GHR: variants seen among roughly 807,000 people sequenced by gnomAD.
GHR encodes the protein growth hormone receptor.
A neutral mutation model predicts 67.1 loss-of-function variants in GHR; 35 were observed. The observed-to-expected ratio is 0.52, with a 90% CI of 0.40 to 0.69. GHR has a LOEUF of 0.69. GHR is among the 30% of genes least tolerant of loss of function. The pLI is 0.00. For missense variants in GHR, 792 were observed against 764.6 expected (o/e 1.04, Z -0.42); for synonymous variants, 272 against 269.1 (o/e 1.01, Z -0.10).
chr5:42,538,468 A>G (rs1748359236), intron 1 of GHR, among the ~76,000 whole-genome samples: 1 of 152,154 alleles, frequency 6.6e-6, no homozygotes, highest in South Asian at 2.1e-4. Context: ...TTTTGGACTA[A>G]TAATTGTTTT....
intron 2 of GHR, among the ~76,000 whole-genome samples, chr5:42,585,671 T>G (rs944477729): frequency 6.6e-6 from 1 of 152,196 alleles, no homozygotes; most frequent in African/African-American, 2.4e-5. Context: ...ATCTCCCAAA[T>G]TTTAACCCCC....
intron 1 of GHR, among the ~76,000 whole-genome samples, chr5:42,430,791 C>A (rs182937071): frequency 6.6e-6 from 1 of 152,214 alleles, no homozygotes; most frequent in East Asian, 1.9e-4. Flanking sequence ...CTACTCCCCA[C>A]CTCCCAGTCC....
At chr5:42,565,121 C>T (rs1749851746) in intron 1 of GHR, among the ~76,000 whole-genome samples, 1 of 152,146 alleles carries the variant, frequency 6.6e-6, no homozygotes, top group Admixed American at 6.5e-5. Flanking sequence ...GACTGAAGGG[C>T]TCCAGGTGTG....
intron 1 of GHR, among the ~76,000 whole-genome samples, chr5:42,445,898 C>T (rs759360589): frequency 5.1e-4 from 77 of 152,240 alleles, no homozygotes; most frequent in Non-Finnish European, 5.9e-4. Context: ...AGTAGCTGGA[C>T]AAGAGAGACT....
intron 1 of GHR, among the ~76,000 whole-genome samples, chr5:42,510,057 C>G (rs986565528): frequency 3.3e-5 from 5 of 152,182 alleles, no homozygotes; most frequent in South Asian, 2.1e-4. Flanking sequence ...CGATCACCCC[C>G]CTAACTGCCT....
intron 1 of GHR, among the ~76,000 whole-genome samples, chr5:42,517,170 A>G (rs900753912): frequency 6.6e-6 from 1 of 152,154 alleles, no homozygotes; most frequent in African/African-American, 2.4e-5. Context: ...TCTAAGAATG[A>G]CATTTACTGT....
intron 1 of GHR, among the ~76,000 whole-genome samples, chr5:42,527,305 C>A (rs1747745494): frequency 6.6e-6 from 1 of 152,094 alleles, no homozygotes. Flanking sequence ...AAGAAAGACC[C>A]AATGGTATCC....
At chr5:42,547,947 A>G (rs1021452153) in intron 1 of GHR, 1 of 269,886 alleles carries the variant, frequency 3.7e-6, no homozygotes, top group Non-Finnish European at 5.7e-6. Context: ...CTTTGTTCTT[A>G]TACTCCTTAG....
intron 1 of GHR, chr5:42,548,105 C>A: frequency 1.0e-6 from 1 of 985,376 alleles, no homozygotes; most frequent in South Asian, 4.7e-5. Context: ...CAGCCTAGGC[C>A]TGGCCTTCAG....
chr5:42,465,688 GC>G (rs1744696754), intron 1 of GHR: 1 of 851,378 alleles, frequency 1.2e-6, no homozygotes, highest in African/African-American at 1.7e-5. Context: ...CGTGCTTCAG[GC>G]CACTGTAATG....
chr5:42,619,855 G>T lies in GHR; in HGVS notation c.71-9183G>T, dbSNP rs1018774531. On this transcript the variant is annotated intron_variant, in intron 2 of 9. Transcript: ENST00000230882. ...TTTCTTAGGACACCTCTGACATGCT[G>T]AATTGCACCTGGTCTGAACAAGATC... 55 of 152,128 alleles carry T rather than the reference G, an allele frequency of 3.6e-4. 1 individual carries two copies. Among genetic ancestry groups the T allele is most frequent in the African/African-American group, 1.2e-3 (50 of 41,424 alleles). 9.4% of individuals were successfully genotyped at this position (152,128 alleles called of 1,614,324 possible).
intron 2 of GHR, among the ~76,000 whole-genome samples, chr5:42,595,256 T>C (rs188620530): frequency 1.3e-4 from 20 of 152,344 alleles, no homozygotes; most frequent in African/African-American, 4.8e-4. Flanking sequence ...TTAACAATGA[T>C]GTAGAACATA....
chr5:42,442,278 T>A (rs1438616847), intron 1 of GHR, among the ~76,000 whole-genome samples: 1 of 152,172 alleles, frequency 6.6e-6, no homozygotes, highest in East Asian at 1.9e-4. Context: ...AGTCACTGCT[T>A]GAAGGCTCAG....
At chr5:42,563,588 G>A (rs1244177746) in intron 1 of GHR, among the ~76,000 whole-genome samples, 2 of 133,486 alleles carry the variant, frequency 1.5e-5, no homozygotes, top group Admixed American at 8.5e-5. Flanking sequence ...ACTGCAGTCC[G>A]CAGTCCCGCC....
intron 3 of GHR, among the ~76,000 whole-genome samples, chr5:42,642,714 C>T (rs1754540615): frequency 6.6e-6 from 1 of 152,152 alleles, no homozygotes; most frequent in African/African-American, 2.4e-5. Context: ...TTACCACAAA[C>T]TTGGTGGCTT....
chr5:42,613,862 T>C (rs561020659), intron 2 of GHR, among the ~76,000 whole-genome samples: 1 of 152,230 alleles, frequency 6.6e-6, no homozygotes, highest in South Asian at 2.1e-4. Context: ...AAGGATCATC[T>C]ACTTGGAAAA....
At chr5:42,576,821 G>T (rs1368298429) in intron 2 of GHR, among the ~76,000 whole-genome samples, 1 of 152,164 alleles carries the variant, frequency 6.6e-6, no homozygotes, top group Non-Finnish European at 1.5e-5. Flanking sequence ...AATTAAATCT[G>T]ATTAATACAG....
intron 1 of GHR, among the ~76,000 whole-genome samples, chr5:42,482,761 T>C (rs1202265844): frequency 1.3e-5 from 2 of 152,152 alleles, no homozygotes; most frequent in Non-Finnish European, 2.9e-5. Context: ...AGTGACCTGA[T>C]TTTCCAGGTG....
chr5:42,515,219 T>C (rs1747187249), intron 1 of GHR, among the ~76,000 whole-genome samples: 1 of 152,230 alleles, frequency 6.6e-6, no homozygotes, highest in Non-Finnish European at 1.5e-5. Context: ...AGAAAGCAGC[T>C]TTGCCTTACT....
Sources: allele counts gnomAD v4.1 joint callset (sites outside exome capture counted in the v4.1 genomes callset), GRCh38; gene constraint gnomAD v4.1.1; transcripts MANE v1.5; gene names NCBI Gene and HGNC (gene_info 2026-07-23, HGNC 2026-07-21).